Variants in ST7 observed in about 807,000 individuals in gnomAD.
The protein encoded by ST7 is suppression of tumorigenicity 7.
ST7 carries 28 observed loss-of-function variants against 78.7 expected under a neutral mutation model. The observed-to-expected ratio is 0.36, with a 90% CI of 0.26 to 0.49. The LOEUF (loss-of-function observed/expected upper bound fraction) is 0.49. Among genes scored for constraint, ST7 ranks in the 20% least tolerant of loss-of-function variants. ST7 has a pLI of 0.99. For synonymous variants in ST7, 247 were observed against 249.6 expected (o/e 0.99, Z 0.10); for missense variants, 418 against 696.0 (o/e 0.60, Z 4.49).
At chr7:117,062,126 A>G (rs77343988) in intron 1 of ST7, among the ~76,000 whole-genome samples, 4,950 of 152,098 alleles carry the variant, frequency 0.033, 247 homozygotes, top group African/African-American at 0.11. Context: ...GGTGGGAGAG[A>G]GGGAGAGAGG....
chr7:117,152,043 G>A (rs569568829), intron 9 of ST7, among the ~76,000 whole-genome samples: 188 of 150,614 alleles, frequency 1.2e-3, no homozygotes, highest in Middle Eastern at 6.8e-3. Context: ...CGCTTGAACC[G>A]GGGAGGCAGA....
chr7:117,004,837 A>G (rs948077476), intron 1 of ST7, among the ~76,000 whole-genome samples: 4 of 152,224 alleles, frequency 2.6e-5, no homozygotes, highest in Non-Finnish European at 5.9e-5. Flanking sequence ...CTTATCTTCC[A>G]TGGAATATTT....
chr7:117,036,540 A>T (rs1796906823), intron 1 of ST7, among the ~76,000 whole-genome samples: 1 of 152,166 alleles, frequency 6.6e-6, no homozygotes, highest in Non-Finnish European at 1.5e-5. Flanking sequence ...CAGCAGTGCT[A>T]GGCTCTGCAC....
chr7:117,177,968 A>G (rs1469195676), intron 10 of ST7, among the ~76,000 whole-genome samples: 2 of 152,188 alleles, frequency 1.3e-5, no homozygotes, highest in Non-Finnish European at 2.9e-5. Flanking sequence ...CGAAGGAGAA[A>G]TGGACTGCTT....
At chr7:117,199,994 A>G (rs1440356535) in intron 12 of ST7, among the ~76,000 whole-genome samples, 1 of 152,194 alleles carries the variant, frequency 6.6e-6, no homozygotes, top group Non-Finnish European at 1.5e-5. Flanking sequence ...TGTGGTCCCC[A>G]GAATTGAGCC....
chr7:117,190,906 A>G lies in ST7; in HGVS notation c.1224A>G (p.Arg408=). 1.2e-6 allele frequency: 2 copies of G among 1,613,996 alleles called. No individual in the cohort carries two copies. Among genetic ancestry groups the G allele is most frequent in the East Asian group, 2.2e-5 (1 of 44,870 alleles). The change falls in exon 12 of 16, where the codon AGA becomes AGG. Residue 408 remains arginine (R), a synonymous_variant. Coordinates refer to ENST00000323984, the MANE Select transcript of ST7 (RefSeq NM_001369598.1). The surrounding 1 kb of genome is among the most constrained non-coding windows in gnomAD (Gnocchi z 5.2). The part of the protein sequence containing the change: ...AEMNAVEAIH[R]AVEFNPHVPK... ...TGAATGCAGTAGAGGCCATTCATAG[A>G]GCTGTGGAATTCAATCCTCATGTGC...
chr7:116,976,610 A>G (rs186374098), intron 1 of ST7, among the ~76,000 whole-genome samples: 1 of 152,340 alleles, frequency 6.6e-6, no homozygotes, highest in Non-Finnish European at 1.5e-5. Flanking sequence ...CTCACATTTC[A>G]TGGACCCCAG....
chr7:117,020,601 G>A (rs1232308816), intron 1 of ST7: 26 of 1,549,846 alleles, frequency 1.7e-5, no homozygotes, highest in Non-Finnish European at 2.1e-5. Context: ...AGCCTCTGGA[G>A]CCAGCCATGT....
rs1423139074 is a variant in ST7 at position 117,147,696 on chromosome 7, C to A, written c.963+9164C>A. On this transcript the variant is annotated intron_variant, in intron 9 of 15. Transcript: ENST00000323984. ...TTTCCTCAACTTTTTTGTTTTTATT[C>A]TGTTTTTTCTTTCCATATTTGTATT... Among the ~76,000 whole-genome samples the A allele has an allele frequency of 4.0e-5, 6 of 151,814 alleles. No individual in the cohort carries two copies. The East Asian group carries it at 1.2e-3, about 29-fold the overall frequency.
intron 1 of ST7, among the ~76,000 whole-genome samples, chr7:117,066,251 A>T (rs998052550): frequency 3.3e-5 from 5 of 152,192 alleles, no homozygotes; most frequent in African/African-American, 4.8e-5. Context: ...CCAGATTCCC[A>T]CAAGTGTTGA....
intron 1 of ST7, chr7:116,966,207 A>G (rs185618893): frequency 6.9e-6 from 2 of 290,720 alleles, no homozygotes; most frequent in Non-Finnish European, 7.3e-6. Context: ...GCAGTTATTA[A>G]TTATTTCCGT....
intron 13 of ST7, 130 bp from the exon 14 acceptor site, chr7:117,218,954 T>A (rs1444775542): frequency 1.5e-6 from 1 of 656,710 alleles, no homozygotes; most frequent in African/African-American, 1.8e-5. Context: ...GCACATAGCT[T>A]GGTGGGGTAA....
At chr7:117,063,862 C>A (rs144853478) in intron 1 of ST7, among the ~76,000 whole-genome samples, 1 of 152,204 alleles carries the variant, frequency 6.6e-6, no homozygotes, top group African/African-American at 2.4e-5. Flanking sequence ...ATCTTGGGGA[C>A]GAAATTTAAT....
intron 1 of ST7, among the ~76,000 whole-genome samples, chr7:117,063,803 C>A (rs1023598451): frequency 6.6e-6 from 1 of 152,188 alleles, no homozygotes; most frequent in African/African-American, 2.4e-5. Flanking sequence ...TTGAAGGTAG[C>A]TGAATTTTTA....
At chr7:117,226,758 C>T (rs1171393625) in intron 15 of ST7, among the ~76,000 whole-genome samples, 2 of 152,118 alleles carry the variant, frequency 1.3e-5, no homozygotes, top group Admixed American at 6.5e-5. Flanking sequence ...GAAGGGAGCC[C>T]ATCTCAACTG....
chr7:116,976,350 C>G (rs1793705411), intron 1 of ST7, among the ~76,000 whole-genome samples: 1 of 152,114 alleles, frequency 6.6e-6, no homozygotes. Flanking sequence ...ATTTATTTTT[C>G]CCTGTCAACC....
intron 3 of ST7, 102 bp downstream of exon 3, chr7:117,119,822 G>A (rs1265802927): frequency 6.6e-6 from 9 of 1,356,650 alleles, no homozygotes; most frequent in East Asian, 2.5e-5. Context: ...TTAAACATTA[G>A]GCTTCAGAGA....
At chr7:117,043,811 CT>C (rs1797352277) in intron 1 of ST7, among the ~76,000 whole-genome samples, 2 of 152,210 alleles carry the variant, frequency 1.3e-5, no homozygotes, top group African/African-American at 4.8e-5. Flanking sequence ...CACCACACCC[CT>C]GTGAGATAGC....
At chr7:117,222,163 C>T (rs924992243) in intron 15 of ST7, 101 bp downstream of exon 15, 27 of 1,333,862 alleles carry the variant, frequency 2.0e-5, no homozygotes, top group African/African-American at 1.5e-4. Context: ...GAAATGGGTA[C>T]GAGCCTGCAA....
Sources: gnomAD v4.1 joint callset for allele counts (sites outside exome capture counted in the v4.1 genomes callset) on GRCh38, gnomAD v4.1.1 for gene constraint, Gnocchi (gnomAD v3.1) non-coding constraint, MANE v1.5 for transcripts, NCBI Gene and HGNC (gene_info 2026-07-23, HGNC 2026-07-21) for gene names.